The following SIM1 variants were observed in gnomAD, a reference collection of about 807,000 sequenced individuals.
The protein encoded by SIM1 is SIM bHLH transcription factor 1.
SIM1 carries 18 observed loss-of-function variants against 78.2 expected under a neutral mutation model. That is an observed-to-expected ratio of 0.23 (90% CI 0.16 to 0.34). SIM1 has a LOEUF of 0.34. SIM1 is among the 10% of genes least tolerant of loss of function. SIM1 has a pLI of 1.00. For synonymous variants in SIM1, 417 were observed against 385.2 expected (o/e 1.08, Z -0.97); for missense variants, 939 against 975.1 (o/e 0.96, Z 0.49).
In SIM1 at chr6:100,447,389, T is replaced by C; in HGVS notation, c.877A>G (p.Lys293Glu). 6.2e-7 allele frequency: 1 copy of C among 1,614,218 alleles called. No homozygotes were observed. The highest frequency in any genetic ancestry group is 8.5e-7 in the Non-Finnish European group (1 of 1,180,028). The change falls in exon 9 of 12, where the codon AAG (lysine) becomes GAG (glutamate). Residue 293 changes from lysine to glutamate, a missense_variant. Transcript: ENST00000369208. Reference sequence around the variant, plus strand: ...TGTTTCGCCAGGAACCTGTAGTACTTGGTGGTCACCTGTCCCTTCACCAGC... The same window carrying C: ...TGTTTCGCCAGGAACCTGTAGTACTCGGTGGTCACCTGTCCCTTCACCAGC... ...LLLVKGQVTT[K>E]YYRFLAKHGG...
chr6:100,419,972 A>G (rs976181587), intron 10 of SIM1, among the ~76,000 whole-genome samples: 1 of 152,008 alleles, frequency 6.6e-6, no homozygotes, highest in Non-Finnish European at 1.5e-5. Flanking sequence ...CCCAGGAAGC[A>G]TTTGCTGAGC....
At chr6:100,450,128 T>A (rs752769087) in intron 4 of SIM1, 139 bp downstream of exon 4, 43 of 725,462 alleles carry the variant, frequency 5.9e-5, no homozygotes, top group Non-Finnish European at 9.5e-5. Flanking sequence ...CCAGAACTAT[T>A]TAAGAGTCTT....
At chr6:100,440,507 A>G (rs988459458) in intron 9 of SIM1, among the ~76,000 whole-genome samples, 2 of 152,190 alleles carry the variant, frequency 1.3e-5, no homozygotes, top group Non-Finnish European at 2.9e-5. Context: ...CAGTTCCATG[A>G]TCACCAAGGA....
intron 1 of SIM1, among the ~76,000 whole-genome samples, chr6:100,464,245 G>T (rs1278824696): frequency 3.3e-5 from 5 of 152,180 alleles, no homozygotes; most frequent in African/African-American, 1.2e-4. Context: ...CAGGCCGGGC[G>T]CACGTCCCAG....
intron 9 of SIM1, among the ~76,000 whole-genome samples, chr6:100,429,923 C>G (rs1771857936): frequency 6.6e-6 from 1 of 152,202 alleles, no homozygotes; most frequent in Non-Finnish European, 1.5e-5. Context: ...TATCCACATG[C>G]TGTCTCAGTG....
intron 9 of SIM1, among the ~76,000 whole-genome samples, chr6:100,432,155 G>A (rs948211408): frequency 1.3e-5 from 2 of 152,168 alleles, no homozygotes; most frequent in African/African-American, 4.8e-5. Flanking sequence ...CTTAAAAAGA[G>A]AGAGAGAGAT....
chr6:100,393,634 C>G lies in SIM1; in HGVS notation c.1423G>C (p.Gly475Arg). 6.2e-7 allele frequency: 1 copy of G among 1,614,176 alleles called. No homozygotes were observed. Among genetic ancestry groups the G allele is most frequent in the Non-Finnish European group, 8.5e-7 (1 of 1,179,962 alleles). The change falls in exon 11 of 12, where the codon GGC (glycine) becomes CGC (arginine). Residue 475 changes from glycine (G) to arginine (R), a missense_variant. Gly to Arg is a moderately radical substitution (Grantham distance 125). This residue lies in a region of SIM1 where 556 missense variants were observed against 521.9 expected (regional missense o/e 1.07). Coordinates refer to ENST00000369208, the MANE Select transcript of SIM1 (RefSeq NM_005068.3). The part of the protein sequence containing the change: ...QACEGGRCEA[G>R]RYFLGTPQAG... The stretch of plus-strand genomic sequence containing the variant: ...TGCGGCGTTCCCAGGAAGTACCTGC[C>G]TGCCTCACATCGGCCTCCTTCACAG...
At chr6:100,452,308 G>T (rs1257430336) in intron 3 of SIM1, among the ~76,000 whole-genome samples, 1 of 152,086 alleles carries the variant, frequency 6.6e-6, no homozygotes, top group East Asian at 1.9e-4. Context: ...ATACCACCTG[G>T]TAAACTATAC....
intron 10 of SIM1, among the ~76,000 whole-genome samples, chr6:100,404,546 T>A (rs1009563578): frequency 1.3e-5 from 2 of 149,374 alleles, no homozygotes; most frequent in African/African-American, 4.9e-5. Flanking sequence ...ACTTTTATCT[T>A]TTTTTTTTTA....
At chr6:100,406,216 T>C (rs1771047449) in intron 10 of SIM1, among the ~76,000 whole-genome samples, 1 of 152,208 alleles carries the variant, frequency 6.6e-6, no homozygotes, top group Non-Finnish European at 1.5e-5. Flanking sequence ...CCATCTTCCA[T>C]GATGGGCTTC....
intron 10 of SIM1, among the ~76,000 whole-genome samples, chr6:100,399,493 T>A (rs937281153): frequency 5.3e-5 from 8 of 152,044 alleles, no homozygotes; most frequent in Non-Finnish European, 1.2e-4. Context: ...GAGAGATCCT[T>A]GTGGTAGTGA....
At chr6:100,429,831 A>G (rs997178762) in intron 9 of SIM1, among the ~76,000 whole-genome samples, 3 of 152,200 alleles carry the variant, frequency 2.0e-5, no homozygotes, top group African/African-American at 4.8e-5. Flanking sequence ...CTTTCTGTAT[A>G]TTAAATTACA....
chr6:100,405,981 G>A (rs937220204), intron 10 of SIM1, among the ~76,000 whole-genome samples: 2 of 152,154 alleles, frequency 1.3e-5, no homozygotes, highest in African/African-American at 2.4e-5. Flanking sequence ...AAATCCAAAG[G>A]TGATGTCTTA....
At chr6:100,412,148 A>G (rs1419314077) in intron 10 of SIM1, among the ~76,000 whole-genome samples, 1 of 152,030 alleles carries the variant, frequency 6.6e-6, no homozygotes, top group African/African-American at 2.4e-5. Flanking sequence ...CAAAATAGGG[A>G]GAAAATTAAG....
At chr6:100,442,909 G>A (rs576827467) in intron 9 of SIM1, among the ~76,000 whole-genome samples, 48 of 152,010 alleles carry the variant, frequency 3.2e-4, no homozygotes, top group Admixed American at 2.7e-3. Flanking sequence ...AGGATATGTC[G>A]GGTTTTATAT....
In SIM1 at chr6:100,401,617, A is replaced by C. The variant is rs72937815; in HGVS notation, c.1168-7728T>G. 5.4e-3 allele frequency among the ~76,000 whole-genome samples: 818 copies of C among 152,180 alleles called. 5 individuals carry two copies. Among genetic ancestry groups the C allele is most frequent in the Non-Finnish European group, 8.5e-3 (580 of 67,968 alleles). On this transcript the variant is annotated intron_variant, in intron 10 of 11. Transcript: ENST00000369208. ...GCAGAGGGAAGGGAAAGAGAAAAAAAATGATAAAGCAAATGTGGCAAATGC... is the reference window on the plus strand; with the variant it reads ...GCAGAGGGAAGGGAAAGAGAAAAAACATGATAAAGCAAATGTGGCAAATGC...
At chr6:100,401,580 A>G (rs1372058603) in intron 10 of SIM1, among the ~76,000 whole-genome samples, 3 of 152,114 alleles carry the variant, frequency 2.0e-5, no homozygotes, top group East Asian at 1.9e-4. Context: ...AAAAAAATAA[A>G]TAATAATGAG....
chr6:100,402,731 C>CCACGCCTGGCTAATTTTTTGTA (rs372241546), intron 10 of SIM1, among the ~76,000 whole-genome samples: 21 of 151,932 alleles, frequency 1.4e-4, no homozygotes, highest in African/African-American at 4.6e-4. Context: ...GCGCCCGCCA[C>CCACGCCTGGCTAATTTTTTGTA]CACGCCTGGC....
chr6:100,426,245 T>C (rs947016105), intron 9 of SIM1, among the ~76,000 whole-genome samples: 1 of 152,316 alleles, frequency 6.6e-6, no homozygotes, highest in Admixed American at 6.5e-5. Context: ...CTCACCCATA[T>C]TTGCACAGAC....
Sources: gnomAD v4.1 joint callset for allele counts (sites outside exome capture counted in the v4.1 genomes callset) on GRCh38, gnomAD v4.1.1 for gene constraint, gnomAD v4.1.1 regional missense constraint, MANE v1.5 for transcripts, NCBI Gene and HGNC (gene_info 2026-07-23, HGNC 2026-07-21) for gene names.